The following AKT3 variants were observed in gnomAD, a reference collection of about 807,000 sequenced individuals.
The protein encoded by AKT3 is RAC-gamma serine/threonine-protein kinase.
A neutral mutation model predicts 65.3 loss-of-function variants in AKT3; 15 were observed. That is an observed-to-expected ratio of 0.23 (90% CI 0.15 to 0.35). AKT3 has a LOEUF of 0.35. AKT3 is among the 10% of genes least tolerant of loss of function. The pLI is 1.00. For synonymous variants in AKT3, 206 were observed against 183.8 expected, an observed-to-expected ratio of 1.12 and a Z score of -0.98; for missense variants, 243 against 576.5, an observed-to-expected ratio of 0.42 and a Z score of 5.92.
intron 4 of AKT3, among the ~76,000 whole-genome samples, chr1:243,656,683 A>G (rs996299489): frequency 2.6e-5 from 4 of 152,252 alleles, no homozygotes; most frequent in Admixed American, 2.6e-4. Flanking sequence ...GTATAGCATT[A>G]GTACTTGGGA....
At chr1:243,623,882 T>G (rs974450097) in intron 6 of AKT3, among the ~76,000 whole-genome samples, 3 of 152,218 alleles carry the variant, frequency 2.0e-5, no homozygotes, top group Non-Finnish European at 4.4e-5. Flanking sequence ...TGGAGATCCT[T>G]GATTTCACCA....
At chr1:243,636,898 A>G (rs1680014788) in intron 6 of AKT3, among the ~76,000 whole-genome samples, 1 of 152,162 alleles carries the variant, frequency 6.6e-6, no homozygotes, top group South Asian at 2.1e-4. Context: ...CACAAAGTGT[A>G]AGGGGCAATA....
At chr1:243,584,635 A>G (rs1675658964) in intron 8 of AKT3, among the ~76,000 whole-genome samples, 1 of 152,184 alleles carries the variant, frequency 6.6e-6, no homozygotes, top group African/African-American at 2.4e-5. Flanking sequence ...GTGGTTCAAC[A>G]TATACAAATC....
intron 5 of AKT3, among the ~76,000 whole-genome samples, chr1:243,644,928 C>CA (rs1392755221): frequency 1.3e-5 from 2 of 152,066 alleles, no homozygotes; most frequent in East Asian, 1.9e-4. Context: ...AACAAACAAA[C>CA]AGAGTAGAAA....
At position 243,503,653 on chromosome 1, in the gene AKT3, G is replaced by A. The variant is rs1448086069; in HGVS notation, c.*1596C>T. The A allele has an allele frequency of 1.3e-5, 3 of 232,506 alleles. No individual in the cohort carries two copies. The highest frequency in any genetic ancestry group is 2.2e-5 in the African/African-American group (1 of 45,268). 14.4% of individuals were successfully genotyped at this position (232,506 alleles called of 1,614,324 possible). A position where few individuals can be genotyped will look rare whatever the true frequency, so the allele number is the denominator to read the frequency against. On this transcript the variant is annotated 3_prime_UTR_variant, in exon 14 of 14. Coordinates refer to ENST00000673466, the MANE Select transcript of AKT3 (RefSeq NM_005465.7). Reference sequence around the variant, plus strand: ...GTTTGCATACATGCCCCCTTTCAGTGAGAAATGTTGGAATCTGGGGGACAT... The same window carrying A: ...GTTTGCATACATGCCCCCTTTCAGTAAGAAATGTTGGAATCTGGGGGACAT...
At chr1:243,559,196 T>C (rs1639563042) in intron 10 of AKT3, among the ~76,000 whole-genome samples, 1 of 152,146 alleles carries the variant, frequency 6.6e-6, no homozygotes, top group Admixed American at 6.6e-5. Context: ...TTCCTTCGAA[T>C]GTACAAAAGA....
intron 6 of AKT3, among the ~76,000 whole-genome samples, chr1:243,622,547 C>T (rs1477317097): frequency 1.3e-5 from 2 of 152,044 alleles, no homozygotes; most frequent in African/African-American, 4.8e-5. Flanking sequence ...TAGAGCAGTA[C>T]CTAGCAAATA....
chr1:243,528,479 T>G (rs1460068694), intron 12 of AKT3, among the ~76,000 whole-genome samples: 2 of 152,158 alleles, frequency 1.3e-5, no homozygotes, highest in Non-Finnish European at 2.9e-5. Context: ...CCTCCTGCCC[T>G]CCACCCTCAA....
At chr1:243,755,027 T>A (rs1209956473) in intron 2 of AKT3, among the ~76,000 whole-genome samples, 2 of 152,158 alleles carry the variant, frequency 1.3e-5, no homozygotes, top group African/African-American at 4.8e-5. Context: ...CATCAATAAA[T>A]ATTTGCCAAA....
chr1:243,828,749 T>C (rs1219520468), intron 2 of AKT3, among the ~76,000 whole-genome samples: 3 of 152,184 alleles, frequency 2.0e-5, no homozygotes, highest in Non-Finnish European at 2.9e-5. Flanking sequence ...AAGCTATTAG[T>C]AGTTAAGTTG....
In AKT3 at chr1:243,501,576, A is replaced by T. The variant is rs537527172; in HGVS notation, c.*3673T>A. The T allele has an allele frequency of 4.3e-4, 100 of 233,160 alleles. No homozygotes were observed. The highest frequency in any genetic ancestry group is 3.1e-3 in the South Asian group (17 of 5,518). 14.4% of individuals were successfully genotyped at this position (233,160 alleles called of 1,614,324 possible). A position where few individuals can be genotyped will look rare whatever the true frequency, so the allele number is the denominator to read the frequency against. On this transcript the variant is annotated 3_prime_UTR_variant, in exon 14 of 14. Coordinates refer to ENST00000673466, the MANE Select transcript of AKT3 (RefSeq NM_005465.7). The stretch of plus-strand genomic sequence containing the variant: ...TGCACAACCGCACTACTGCCATTTC[A>T]CTGAAGTAAAAATGATCCCCTATGT...
At position 243,591,548 on chromosome 1, in the gene AKT3, A is replaced by AT. The variant is rs1294090442; in HGVS notation, c.697-18501_697-18500insA. 2.0e-5 allele frequency among the ~76,000 whole-genome samples: 3 copies of AT among 152,354 alleles called. No homozygotes were observed. The East Asian group carries it at 5.8e-4, about 29-fold the overall frequency. The stretch of plus-strand genomic sequence containing the variant: ...CGGACATAAAAAGAAACAGGAAAAT[A>AT]ATAACCTATAATCAGGAGACTAATC... On this transcript the variant is annotated intron_variant, in intron 8 of 13. Transcript: ENST00000673466.
chr1:243,647,063 A>G (rs1339699629), intron 4 of AKT3, among the ~76,000 whole-genome samples: 7 of 152,204 alleles, frequency 4.6e-5, no homozygotes, highest in South Asian at 2.1e-4. Context: ...AATCATTTAA[A>G]TCTTCCAATC....
At chr1:243,670,305 T>A (rs2147938985) in intron 3 of AKT3, among the ~76,000 whole-genome samples, 1 of 152,314 alleles carries the variant, frequency 6.6e-6, no homozygotes, top group South Asian at 2.1e-4. Flanking sequence ...GGTTTGTTGC[T>A]GTACAAAACA....
At chr1:243,531,016 A>G (rs1183217552) in intron 12 of AKT3, among the ~76,000 whole-genome samples, 1 of 152,244 alleles carries the variant, frequency 6.6e-6, no homozygotes, top group Non-Finnish European at 1.5e-5. Flanking sequence ...TTTCAGATGT[A>G]AAATAGTTAC....
chr1:243,759,353 ATT>A (rs1272032844), intron 2 of AKT3, among the ~76,000 whole-genome samples: 2 of 151,780 alleles, frequency 1.3e-5, no homozygotes, highest in East Asian at 3.9e-4. Flanking sequence ...ATTAAATTAA[ATT>A]AAAAATAAAA....
chr1:243,562,954 CATTAGTAACTGGA>C (rs1397114355), intron 10 of AKT3, among the ~76,000 whole-genome samples: 3 of 152,196 alleles, frequency 2.0e-5, no homozygotes, highest in African/African-American at 7.2e-5. Flanking sequence ...TGTTACACAG[CATTAGTAACTGGA>C]ACACCATCTA....
chr1:243,666,589 A>G (rs1682799568), intron 3 of AKT3, among the ~76,000 whole-genome samples: 1 of 152,174 alleles, frequency 6.6e-6, no homozygotes, highest in South Asian at 2.1e-4. Context: ...TCCATCACCC[A>G]GGCTGAAACA....
rs1321525358 is a variant in AKT3 at position 243,716,719 on chromosome 1, ATGT to A, written c.47-21006_47-21004del. 2.0e-5 allele frequency among the ~76,000 whole-genome samples: 3 copies of A among 152,338 alleles called. No individual in the cohort carries two copies. In the East Asian group the frequency reaches 5.8e-4, roughly 29 times the overall value. On this transcript the variant is annotated intron_variant, in intron 2 of 13. Coordinates refer to ENST00000673466, the MANE Select transcript of AKT3 (RefSeq NM_005465.7). ...AAGGATTACTTCATATTTTATAATGATGTTGTGGAAAAAAGAACGAAAAGAGGA... is the reference window on the plus strand; with the variant it reads ...AAGGATTACTTCATATTTTATAATGATGTGGAAAAAAGAACGAAAAGAGGA...
Sources: gnomAD v4.1 joint callset for allele counts (sites outside exome capture counted in the v4.1 genomes callset) on GRCh38, gnomAD v4.1.1 for gene constraint, MANE v1.5 for transcripts, NCBI Gene and HGNC (gene_info 2026-07-23, HGNC 2026-07-21) for gene names.